SLC6A17: variants seen among roughly 807,000 people sequenced by gnomAD.
SLC6A17 encodes the protein solute carrier family 6 member 17.
Under a neutral mutation model 64.5 loss-of-function variants are expected in SLC6A17, and 21 were observed. The observed-to-expected ratio is 0.33, with a 90% CI of 0.23 to 0.47. The LOEUF (loss-of-function observed/expected upper bound fraction) is 0.47, where lower values mean the gene tolerates loss of function less well. SLC6A17 is among the 20% of genes least tolerant of loss of function. The probability of loss-of-function intolerance (pLI) is 1.00; values close to 1 mark genes in which losing one functional copy is unlikely to be tolerated. For synonymous variants in SLC6A17, 372 were observed against 399.5 expected (o/e 0.93, Z 0.82); for missense variants, 682 against 963.2 (o/e 0.71, Z 3.86).
intron 10 of SLC6A17, among the ~76,000 whole-genome samples, chr1:110,196,444 C>T (rs561042556): frequency 8.5e-5 from 13 of 152,190 alleles, no homozygotes; most frequent in East Asian, 7.7e-4. Context: ...TCACAGGGGC[C>T]GTCTGCTTCC....
intron 6 of SLC6A17, among the ~76,000 whole-genome samples, chr1:110,185,079 C>A (rs1251424835): frequency 6.6e-6 from 1 of 152,152 alleles, no homozygotes; most frequent in East Asian, 1.9e-4. Context: ...GAAGGTGGCC[C>A]AGCCTCATTA....
Position 110,191,349 on chromosome 1 carries a change from A to T in SLC6A17, c.865-623A>T, listed in dbSNP as rs372977219. ...CTCCATGCCATCCCAATGCTGTTGC[A>T]GTTCGGGCTCCTGTCAGGTGTGAGG... On this transcript the variant is annotated intron_variant, in intron 6 of 11. Coordinates refer to ENST00000331565, the MANE Select transcript of SLC6A17 (RefSeq NM_001010898.4). Among the ~76,000 whole-genome samples the T allele has an allele frequency of 1.2e-4, 18 of 152,348 alleles. No individual in the cohort carries two copies. In the East Asian group the frequency reaches 2.1e-3, roughly 18 times the overall value.
At chr1:110,171,964 G>T in intron 2 of SLC6A17, 96 bp from the exon 3 acceptor site, 1 of 1,491,480 alleles carries the variant, frequency 6.7e-7, no homozygotes, top group Non-Finnish European at 9.1e-7. Flanking sequence ...GATGACCAGA[G>T]ATGTGGCTGA....
chr1:110,174,924 G>T lies in SLC6A17; in HGVS notation c.717G>T (p.Gly239=). 6.2e-7 allele frequency: 1 copy of T among 1,614,166 alleles called. No individual in the cohort carries two copies. The highest frequency in any genetic ancestry group is 8.5e-7 in the Non-Finnish European group (1 of 1,180,006). ...LCLLVAWSIV[G]MAVVKGIQSS... is the part of the protein sequence containing the mutation. ...TCCTCGTGGCCTGGAGCATCGTGGGGATGGCTGTCGTTAAGGGCATCCAGT... is the reference window on the plus strand; with the variant it reads ...TCCTCGTGGCCTGGAGCATCGTGGGTATGGCTGTCGTTAAGGGCATCCAGT... Residue 239 remains glycine, a synonymous_variant, in exon 5 of 12, where the codon GGG becomes GGT. Transcript: ENST00000331565.
intron 6 of SLC6A17, among the ~76,000 whole-genome samples, chr1:110,188,269 C>G (rs12087154): frequency 9.6e-4 from 146 of 152,294 alleles, no homozygotes; most frequent in African/African-American, 3.3e-3. Context: ...AACCGTGGGC[C>G]TGTATTACAT....
chr1:110,191,839 G>C (rs1379595863), intron 6 of SLC6A17, 133 bp from the exon 7 acceptor site: 1 of 1,447,062 alleles, frequency 6.9e-7, no homozygotes, highest in Non-Finnish European at 9.2e-7. Flanking sequence ...AATTGCCCAA[G>C]TTCACACAGC....
At chr1:110,197,008 A>T (rs1656986636) in intron 10 of SLC6A17, among the ~76,000 whole-genome samples, 1 of 152,142 alleles carries the variant, frequency 6.6e-6, no homozygotes, top group Admixed American at 6.5e-5. Flanking sequence ...AATTCTGCTC[A>T]CCCCTTGGTG....
At chr1:110,197,737 CT>C in intron 11 of SLC6A17, 138 bp downstream of exon 11, 2 of 1,035,570 alleles carry the variant, frequency 1.9e-6, no homozygotes, top group South Asian at 1.7e-5. Flanking sequence ...AAACCGCAAT[CT>C]TACAACAAGC....
At chr1:110,158,717 T>C (rs1487181129) in intron 1 of SLC6A17, among the ~76,000 whole-genome samples, 2 of 152,228 alleles carry the variant, frequency 1.3e-5, no homozygotes, top group African/African-American at 4.8e-5. Flanking sequence ...TTTTCCTGGC[T>C]CTAAAACCCA....
intron 3 of SLC6A17, among the ~76,000 whole-genome samples, 175 bp from the exon 4 acceptor site, chr1:110,173,787 ATGAATGGAGCG>A (rs67632953): frequency 0.39 from 58,814 of 151,766 alleles, 11,821 homozygotes; most frequent in Non-Finnish European, 0.45. Flanking sequence ...TGAATACCAG[ATGAATGGAGCG>A]TGAATGGAGC....
intron 3 of SLC6A17, 65 bp from the exon 4 acceptor site, chr1:110,173,908 T>TAA: frequency 6.6e-7 from 1 of 1,515,158 alleles, no homozygotes; most frequent in Non-Finnish European, 8.8e-7. Context: ...GGGCCTCGGG[T>TAA]GGAGCGTGGG....
At chr1:110,153,552 C>T (rs867237876) in intron 1 of SLC6A17, among the ~76,000 whole-genome samples, 6 of 53,650 alleles carry the variant, frequency 1.1e-4, no homozygotes, top group Non-Finnish European at 1.6e-4. Context: ...TGTGTGTGTG[C>T]ATTGCATTCA....
rs186378258 is a variant in SLC6A17 at position 110,179,844 on chromosome 1, C to T, written c.864+3105C>T. On this transcript the variant is annotated intron_variant, in intron 6 of 11. Transcript: ENST00000331565. ...TTGGGATTACAGGCGTGAGCCACTG[C>T]GCCTGGCCTTGGGGTGCTTCTTTCT... Among the ~76,000 whole-genome samples the T allele has an allele frequency of 1.2e-4, 19 of 152,020 alleles. No homozygotes were observed. The South Asian group carries it at 2.3e-3, about 18-fold the overall frequency.
In SLC6A17 at chr1:110,195,762, G is replaced by A. The variant is rs530826746; in HGVS notation, c.1652+17G>A. On this transcript the variant is annotated intron_variant, in intron 10 of 11. Coordinates refer to ENST00000331565, the MANE Select transcript of SLC6A17 (RefSeq NM_001010898.4). ...AACCAAGAAGTAAGAGGAACATGGG[G>A]GAAAGGTGGGATGGGAGGAGGGGTC... 1.9e-6 allele frequency: 3 copies of A among 1,613,944 alleles called. No individual in the cohort carries two copies. In the East Asian group the frequency reaches 6.7e-5, roughly 36 times the overall value.
chr1:110,181,068 CA>C (rs1656510479), intron 6 of SLC6A17, among the ~76,000 whole-genome samples: 1 of 152,156 alleles, frequency 6.6e-6, no homozygotes, highest in Non-Finnish European at 1.5e-5. Flanking sequence ...GTTGGTAGGA[CA>C]GTAACTCGTG....
Position 110,197,591 on chromosome 1 carries a change from A to G in SLC6A17, c.1807A>G (p.Lys603Glu), listed in dbSNP as rs970722231. Residue 603 changes from lysine to glutamate, a missense_variant, in exon 11 of 12, where the codon AAG becomes GAG. Around this residue, in one of 3 missense-constraint regions of SLC6A17, gnomAD observed 264 missense variants for 339.5 expected, o/e 0.78. Transcript: ENST00000331565. ...VTPPGYSAWI[K>E]EEAAERYLYF... is the part of the protein sequence containing the mutation. ...GCCCCCGGGCTACAGCGCCTGGATC[A>G]AGGAGGAGGTGAGGGGTGGGGCCCC... is the stretch of plus-strand genomic sequence containing the variant. 1 of 1,597,644 alleles carries G rather than the reference A, an allele frequency of 6.3e-7. No homozygotes were observed.
intron 6 of SLC6A17, among the ~76,000 whole-genome samples, chr1:110,190,533 G>A (rs531429344): frequency 6.6e-6 from 1 of 152,324 alleles, no homozygotes; most frequent in East Asian, 1.9e-4. Context: ...GGTGGGCCCT[G>A]TGTCCTGGAT....
At chr1:110,194,915 G>T in intron 9 of SLC6A17, 144 bp downstream of exon 9, 1 of 1,009,668 alleles carries the variant, frequency 9.9e-7, no homozygotes, top group Non-Finnish European at 1.5e-6. Context: ...GCCTGGCTGT[G>T]CCACTCAGTG....
rs116203612 is a variant in SLC6A17, at chr1:110,185,373, C to T, written c.865-6599C>T. Among the ~76,000 whole-genome samples the T allele has an allele frequency of 5.7e-3, 868 of 152,354 alleles. 8 individuals are homozygous for T. The highest frequency in any genetic ancestry group is 0.018 in the African/African-American group (748 of 41,568). On this transcript the variant is annotated intron_variant, in intron 6 of 11. Transcript: ENST00000331565. ...AGTGCTCCAGTGCCATCTGGTGCTT[C>T]GTGGCCCCGGCTGGCTCCACACCAG...
Sources: allele counts gnomAD v4.1 joint callset (sites outside exome capture counted in the v4.1 genomes callset), GRCh38; gene constraint gnomAD v4.1.1; regional missense constraint gnomAD v4.1.1; transcripts MANE v1.5; gene names NCBI Gene and HGNC (gene_info 2026-07-23, HGNC 2026-07-21).